Variants in RPL28 observed in about 807,000 individuals in gnomAD.
The protein encoded by RPL28 is large ribosomal subunit protein eL28.
A neutral mutation model predicts 12.5 loss-of-function variants in RPL28; 4 were observed. The ratio of observed to expected loss-of-function variants is 0.32; its 90% CI spans 0.16 to 0.73. The LOEUF is 0.73. RPL28 is among the 30% of genes least tolerant of loss of function. RPL28 has a pLI of 0.66. For synonymous variants in RPL28, 91 were observed against 72.5 expected (o/e 1.26, Z -1.30); for missense variants, 214 against 197.7 (o/e 1.08, Z -0.49).
rs762311591 is a variant in RPL28 at position 55,388,168 on chromosome 19, C to T, written c.325-75C>T. 2.1e-5 allele frequency: 33 copies of T among 1,543,134 alleles called. No individual in the cohort carries two copies. In the South Asian group the frequency reaches 4.0e-4, roughly 19 times the overall value. On this transcript the variant is annotated intron_variant, in intron 4 of 4. Coordinates refer to ENST00000344063, the MANE Select transcript of RPL28 (RefSeq NM_000991.5). ...TGGATTCTTGCTTTCAGCCTACTCCCCACACCCAGCATTGGCCTAGGGGGC... is the reference window on the plus strand; with the variant it reads ...TGGATTCTTGCTTTCAGCCTACTCCTCACACCCAGCATTGGCCTAGGGGGC...
At chr19:55,386,747 C>T (rs199821933) in intron 3 of RPL28, 54 bp downstream of exon 3, 99 of 1,610,660 alleles carry the variant, frequency 6.1e-5, no homozygotes, top group East Asian at 2.9e-4. Context: ...GGTCTGGGAG[C>T]TGTGATTTTT....
chr19:55,395,750 C>G (rs930358159), downstream of RPL28, among the ~76,000 whole-genome samples: 5 of 152,202 alleles, frequency 3.3e-5, no homozygotes, highest in South Asian at 8.3e-4. Flanking sequence ...GCCTCTTTTT[C>G]TCATTTTAAA....
intron 4 of RPL28, among the ~76,000 whole-genome samples, chr19:55,397,145 G>C (rs112828571): frequency 0.099 from 15,092 of 152,218 alleles, 1,174 homozygotes; most frequent in African/African-American, 0.2. Context: ...CTCCCAAAGT[G>C]TTAGGATTAC....
At chr19:55,393,214 T>C (rs1192222885), downstream of RPL28, among the ~76,000 whole-genome samples, 1 of 148,748 alleles carries the variant, frequency 6.7e-6, no homozygotes, top group Admixed American at 6.8e-5. Flanking sequence ...AAATGATAAA[T>C]GAGACCTGTC....
At position 55,391,011 on chromosome 19, in the gene RPL28, A is replaced by G. The variant is rs913269677; in HGVS notation, c.*2679A>G. Reference sequence around the variant, plus strand: ...TTAAGAAAACAGGCAGGCTCACCATAGTAAAAATGCTGAAAGCCAAAGACA... The same window carrying G: ...TTAAGAAAACAGGCAGGCTCACCATGGTAAAAATGCTGAAAGCCAAAGACA... On this transcript the variant is annotated 3_prime_UTR_variant, in exon 5 of 5. Coordinates refer to ENST00000344063, the MANE Select transcript of RPL28 (RefSeq NM_000991.5). The G allele has an allele frequency of 1.1e-5, 11 of 964,828 alleles. No individual in the cohort carries two copies. The highest frequency in any genetic ancestry group is 1.2e-5 in the Non-Finnish European group (10 of 811,276). 59.8% of individuals were successfully genotyped at this position (964,828 alleles called of 1,614,324 possible).
downstream of RPL28, among the ~76,000 whole-genome samples, chr19:55,396,144 A>T (rs1350500337): frequency 6.6e-6 from 1 of 151,094 alleles, no homozygotes; most frequent in Non-Finnish European, 1.5e-5. Context: ...GGTAGTGTGC[A>T]CCCGTAGTTC....
At chr19:55,392,990 T>G (rs2090000778), downstream of RPL28, among the ~76,000 whole-genome samples, 1 of 152,052 alleles carries the variant, frequency 6.6e-6, no homozygotes, top group Non-Finnish European at 1.5e-5. Context: ...GCCACTCATT[T>G]AAACACACCC....
chr19:55,393,468 T>A (rs1375720593), downstream of RPL28, among the ~76,000 whole-genome samples: 1 of 152,040 alleles, frequency 6.6e-6, no homozygotes, highest in Non-Finnish European at 1.5e-5. Flanking sequence ...TCCACGCTTT[T>A]AGAGTGCACA....
rs866185474 is a variant in RPL28, at chr19:55,389,268, G to A, written c.*936G>A. The A allele has an allele frequency of 6.7e-5, 62 of 923,262 alleles. No individual in the cohort carries two copies. The African/African-American group carries it at 8.9e-4, about 13-fold the overall frequency. 57.2% of individuals were successfully genotyped at this position (923,262 alleles called of 1,614,324 possible). A position where few individuals can be genotyped will look rare whatever the true frequency, so the allele number is the denominator to read the frequency against. ...AGAGGTTGAGTAGAGGCTGAGGTGA[G>A]CGGAGCACTTGAGCCAAGAGTATGA... On this transcript the variant is annotated 3_prime_UTR_variant, in exon 5 of 5. Transcript: ENST00000344063.
chr19:55,391,020 G>A lies in RPL28; in HGVS notation c.*2688G>A. 1.1e-6 allele frequency: 1 copy of A among 946,270 alleles called. No homozygotes were observed. The highest frequency in any genetic ancestry group is 1.3e-6 in the Non-Finnish European group (1 of 794,300). The allele number at this position is 946,270 out of a possible 1,614,324, so 58.6% of individuals were successfully genotyped here. A position where few individuals can be genotyped will look rare whatever the true frequency, so the allele number is the denominator to read the frequency against. On this transcript the variant is annotated 3_prime_UTR_variant, in exon 5 of 5. Transcript: ENST00000344063. Reference sequence around the variant, plus strand: ...CAGGCAGGCTCACCATAGTAAAAATGCTGAAAGCCAAAGACAAAATTGGGA... The same window carrying A: ...CAGGCAGGCTCACCATAGTAAAAATACTGAAAGCCAAAGACAAAATTGGGA...
At chr19:55,396,844 T>C (rs969151362), downstream of RPL28, among the ~76,000 whole-genome samples, 11 of 151,770 alleles carry the variant, frequency 7.2e-5, no homozygotes, top group African/African-American at 2.7e-4. Flanking sequence ...CCTCCCAAAG[T>C]GCTGGGATTA....
At chr19:55,395,435 CTT>C (rs1249867534), downstream of RPL28, among the ~76,000 whole-genome samples, 4 of 134,720 alleles carry the variant, frequency 3.0e-5, no homozygotes, top group Non-Finnish European at 3.1e-5. Flanking sequence ...GCCTGGCCTT[CTT>C]TTTCTCTTTT....
Position 55,390,277 on chromosome 19 carries a change from T to G in RPL28, c.*1945T>G. The G allele has an allele frequency of 2.3e-6, 2 of 888,806 alleles. No individual in the cohort carries two copies. Among genetic ancestry groups the G allele is most frequent in the Non-Finnish European group, 1.3e-6 (1 of 741,974 alleles). The allele number at this position is 888,806 out of a possible 1,614,324, so 55.1% of individuals were successfully genotyped here. On this transcript the variant is annotated 3_prime_UTR_variant, in exon 5 of 5. Coordinates refer to ENST00000344063, the MANE Select transcript of RPL28 (RefSeq NM_000991.5). ...GCGAGTGCAATGGCGCGATCTTGGC[T>G]CACTGCAGCCTCCACCTCCTGGGTT... is the stretch of plus-strand genomic sequence containing the variant.
At position 55,389,840 on chromosome 19, in the gene RPL28, T is replaced by A. The variant is rs2089973360; in HGVS notation, c.*1508T>A. 9.1e-6 allele frequency: 9 copies of A among 984,166 alleles called. No individual in the cohort carries two copies. Among genetic ancestry groups the A allele is most frequent in the Non-Finnish European group, 1.1e-5 (9 of 828,934 alleles). The allele number at this position is 984,166 out of a possible 1,614,324, so 61.0% of individuals were successfully genotyped here. On this transcript the variant is annotated 3_prime_UTR_variant, in exon 5 of 5. Transcript: ENST00000344063. Reference sequence around the variant, plus strand: ...ACCCCCCGCACTGTCCCAATCCCACTCAGGCCCACCTCCAGCTGGCCTCAC... The same window carrying A: ...ACCCCCCGCACTGTCCCAATCCCACACAGGCCCACCTCCAGCTGGCCTCAC...
chr19:55,389,255 G>C lies in RPL28; in HGVS notation c.*923G>C. On this transcript the variant is annotated 3_prime_UTR_variant, in exon 5 of 5. Coordinates refer to ENST00000344063, the MANE Select transcript of RPL28 (RefSeq NM_000991.5). ...GTCCCAGCTCCTCAGAGGTTGAGTAGAGGCTGAGGTGAGCGGAGCACTTGA... is the reference window on the plus strand; with the variant it reads ...GTCCCAGCTCCTCAGAGGTTGAGTACAGGCTGAGGTGAGCGGAGCACTTGA... The C allele has an allele frequency of 3.3e-6, 3 of 909,284 alleles. No homozygotes were observed. The highest frequency in any genetic ancestry group is 3.9e-6 in the Non-Finnish European group (3 of 760,546). 56.3% of individuals were successfully genotyped at this position (909,284 alleles called of 1,614,324 possible). A position where few individuals can be genotyped will look rare whatever the true frequency, so the allele number is the denominator to read the frequency against.
At position 55,392,041 on chromosome 19, in the gene RPL28, T is replaced by C; in HGVS notation, c.*3709T>C. The C allele has an allele frequency of 9.5e-7, 1 of 1,054,590 alleles. No individual in the cohort carries two copies. Among genetic ancestry groups the C allele is most frequent in the Non-Finnish European group, 1.1e-6 (1 of 874,866 alleles). The allele number at this position is 1,054,590 out of a possible 1,614,324, so 65.3% of individuals were successfully genotyped here. A position where few individuals can be genotyped will look rare whatever the true frequency, so the allele number is the denominator to read the frequency against. On this transcript the variant is annotated 3_prime_UTR_variant, in exon 5 of 5. Coordinates refer to ENST00000344063, the MANE Select transcript of RPL28 (RefSeq NM_000991.5). The stretch of plus-strand genomic sequence containing the variant: ...CCCAGGAATGGTATCAATTCCCCTG[T>C]TTCTCTTGTAGCCAGTTACTAGAAT...
downstream of RPL28, among the ~76,000 whole-genome samples, chr19:55,396,385 G>A (rs58464092): frequency 4.0e-5 from 6 of 150,454 alleles, no homozygotes; most frequent in Admixed American, 4.0e-4. Context: ...CCAATACCCA[G>A]GTCAGGAAAT....
At chr19:55,395,907 ATTC>A (rs1811613750), downstream of RPL28, among the ~76,000 whole-genome samples, 1 of 152,136 alleles carries the variant, frequency 6.6e-6, no homozygotes, top group Non-Finnish European at 1.5e-5. Flanking sequence ...TTATATATGT[ATTC>A]TTTTGCCCCC....
chr19:55,402,853 T>A (rs1190733527), intron 4 of RPL28: 3 of 1,091,772 alleles, frequency 2.7e-6, no homozygotes, highest in African/African-American at 1.6e-5. Context: ...ATCCTCTCCC[T>A]CCCCATGGCA....
Sources: gnomAD v4.1 joint callset for allele counts (sites outside exome capture counted in the v4.1 genomes callset) on GRCh38, gnomAD v4.1.1 for gene constraint, MANE v1.5 for transcripts, NCBI Gene and HGNC (gene_info 2026-07-23, HGNC 2026-07-21) for gene names.